Variants in UBXN11 observed in about 807,000 individuals in gnomAD.
UBXN11 encodes the protein UBX domain-containing protein 11.
A neutral mutation model predicts 62.8 loss-of-function variants in UBXN11; 47 were observed. The observed-to-expected ratio is 0.75, with a 90% CI of 0.59 to 0.95. UBXN11 has a LOEUF of 0.95. Ranked by LOEUF, UBXN11 falls within the 40% of genes least tolerant of loss-of-function variation. The pLI is 0.00. For synonymous variants in UBXN11, 294 were observed against 267.0 expected, an observed-to-expected ratio of 1.10 and a Z score of -0.99; for missense variants, 638 against 661.7, an observed-to-expected ratio of 0.96 and a Z score of 0.39.
At chr1:26,295,516 C>G (rs371083492) in intron 7 of UBXN11, among the ~76,000 whole-genome samples, 20 of 152,136 alleles carry the variant, frequency 1.3e-4, no homozygotes, top group African/African-American at 4.3e-4. Context: ...TGTGATAAGG[C>G]CCCCACGACC....
chr1:26,286,480 C>T (rs1459844289), intron 8 of UBXN11, among the ~76,000 whole-genome samples: 2 of 152,210 alleles, frequency 1.3e-5, no homozygotes, highest in Non-Finnish European at 2.9e-5. Context: ...TTCCTCCCTT[C>T]TATCTGTGTG....
At chr1:26,298,481 C>T (rs779471394) in intron 4 of UBXN11, among the ~76,000 whole-genome samples, 5 of 152,050 alleles carry the variant, frequency 3.3e-5, no homozygotes, top group South Asian at 2.1e-4. Context: ...AGCCAGAATG[C>T]GGGGTGCTGT....
intron 1 of UBXN11, among the ~76,000 whole-genome samples, chr1:26,304,908 C>T (rs1034422913): frequency 1.8e-4 from 27 of 150,900 alleles, no homozygotes; most frequent in African/African-American, 5.6e-4. Flanking sequence ...ACCTCAATCC[C>T]CCCACTCCCA....
intron 7 of UBXN11, among the ~76,000 whole-genome samples, chr1:26,296,511 G>A (rs1302439053): frequency 6.6e-6 from 1 of 152,228 alleles, no homozygotes; most frequent in East Asian, 1.9e-4. Flanking sequence ...ACGGCCCAAG[G>A]CCCTGAGGTG....
At chr1:26,302,161 G>A (rs1284400571) in intron 2 of UBXN11, among the ~76,000 whole-genome samples, 2 of 152,020 alleles carry the variant, frequency 1.3e-5, no homozygotes, top group Non-Finnish European at 2.9e-5. Flanking sequence ...TCAGGAGATC[G>A]AGACCATCCT....
At chr1:26,309,085 A>T (rs185144132), upstream of UBXN11, among the ~76,000 whole-genome samples, 1 of 151,572 alleles carries the variant, frequency 6.6e-6, no homozygotes, top group Non-Finnish European at 1.5e-5. Flanking sequence ...GGCACACGCC[A>T]CCATGCCCAG....
intron 1 of UBXN11, among the ~76,000 whole-genome samples, chr1:26,312,429 T>A (rs1307087086): frequency 6.6e-6 from 1 of 151,876 alleles, no homozygotes; most frequent in Non-Finnish European, 1.5e-5. Context: ...TTTTTGTATT[T>A]TCAGTAGAGA....
upstream of UBXN11, among the ~76,000 whole-genome samples, chr1:26,307,475 G>T (rs936840607): frequency 1.4e-5 from 2 of 144,294 alleles, no homozygotes; most frequent in Non-Finnish European, 3.2e-5. Context: ...TTTCAAAAAC[G>T]TTTCCTGCTG....
At chr1:26,304,224 G>A (rs1044640835) in intron 1 of UBXN11, among the ~76,000 whole-genome samples, 5 of 152,134 alleles carry the variant, frequency 3.3e-5, no homozygotes, top group African/African-American at 1.2e-4. Context: ...CCCTTCCTTG[G>A]AAGGAGCCCT....
intron 7 of UBXN11, among the ~76,000 whole-genome samples, chr1:26,295,786 C>A (rs1196980130): frequency 6.6e-6 from 1 of 152,262 alleles, no homozygotes; most frequent in Admixed American, 6.5e-5. Flanking sequence ...TCCCCACAGA[C>A]TGGCAGCCTC....
intron 7 of UBXN11, among the ~76,000 whole-genome samples, chr1:26,295,711 G>A (rs1557685602): frequency 6.6e-6 from 1 of 152,132 alleles, no homozygotes; most frequent in Non-Finnish European, 1.5e-5. Context: ...CCTCTGTGGT[G>A]TCACCCATTT....
At chr1:26,309,158 C>T (rs1450212466), upstream of UBXN11, among the ~76,000 whole-genome samples, 1 of 151,954 alleles carries the variant, frequency 6.6e-6, no homozygotes, top group Non-Finnish European at 1.5e-5. Flanking sequence ...TGGTCTCCGT[C>T]TCCTGACCTT....
intron 1 of UBXN11, among the ~76,000 whole-genome samples, chr1:26,304,656 G>C (rs1427500866): frequency 1.3e-5 from 2 of 152,148 alleles, no homozygotes; most frequent in African/African-American, 2.4e-5. Flanking sequence ...GGGAGGCCGA[G>C]GCAGAAGAAT....
intron 4 of UBXN11, among the ~76,000 whole-genome samples, chr1:26,299,516 A>AC (rs1249210407): frequency 1.3e-5 from 2 of 150,918 alleles, no homozygotes; most frequent in South Asian, 2.1e-4. Flanking sequence ...GTCTCCAAAA[A>AC]AAAAAAAAAC....
chr1:26,294,073 T>C (rs960909730), intron 8 of UBXN11, 132 bp downstream of exon 8: 3 of 1,396,902 alleles, frequency 2.1e-6, no homozygotes, highest in Non-Finnish European at 2.9e-6. Flanking sequence ...AGGGGCAAGT[T>C]GTGGGCTCTC....
chr1:26,298,816 AAAG>A (rs748257886), intron 4 of UBXN11, among the ~76,000 whole-genome samples: 21 of 151,880 alleles, frequency 1.4e-4, no homozygotes, highest in East Asian at 9.7e-4. Flanking sequence ...TGAAAATGGA[AAAG>A]AAGAGAAACC....
Position 26,282,782 on chromosome 1 carries a change from C to T in UBXN11, c.1159G>A (p.Glu387Lys), listed in dbSNP as rs1553162757. 1 of 1,614,150 alleles carries T rather than the reference C, an allele frequency of 6.2e-7. No homozygotes were observed. The highest frequency in any genetic ancestry group is 2.2e-5 in the East Asian group (1 of 44,882). Reference sequence around the variant, plus strand: ...GGGGGTGCCGGCGTGTTGGGTGACTCCTGGCTCCTGCACAGCCCAGAGGCC... The same window carrying T: ...GGGGGTGCCGGCGTGTTGGGTGACTTCTGGCTCCTGCACAGCCCAGAGGCC... ...TLAAERERSQESPNTPAPPLS... is the reference protein window; with the variant it reads ...TLAAERERSQKSPNTPAPPLS... Residue 387 changes from glutamate to lysine, a missense_variant, in exon 14 of 15, where the codon GAG becomes AAG. Coordinates refer to ENST00000374222, the MANE Select transcript of UBXN11 (RefSeq NM_001389556.1).
intron 8 of UBXN11, 147 bp downstream of exon 8, chr1:26,294,058 G>C: frequency 7.9e-7 from 1 of 1,268,106 alleles, no homozygotes; most frequent in South Asian, 1.4e-5. Context: ...CTCCCACATT[G>C]TCTCAGGGGC....
At chr1:26,303,404 C>T (rs1570131759) in intron 1 of UBXN11, among the ~76,000 whole-genome samples, 1 of 151,960 alleles carries the variant, frequency 6.6e-6, no homozygotes, top group Non-Finnish European at 1.5e-5. Context: ...GTGGGTGGAT[C>T]GCCTGAGGTC....
Sources: allele counts gnomAD v4.1 joint callset (sites outside exome capture counted in the v4.1 genomes callset), GRCh38; gene constraint gnomAD v4.1.1; transcripts MANE v1.5; gene names NCBI Gene and HGNC (gene_info 2026-07-23, HGNC 2026-07-21).